Variants in LIMA1 observed in about 807,000 individuals in gnomAD.
The protein encoded by LIMA1 is LIM domain and actin binding 1, also known as LIM domain and actin-binding protein 1.
A neutral mutation model predicts 62.6 loss-of-function variants in LIMA1; 52 were observed. That is an observed-to-expected ratio of 0.83 (90% CI 0.67 to 1.05). LIMA1 has a LOEUF of 1.05. LIMA1 is among the 50% of genes least tolerant of loss of function. The pLI is 0.00. For synonymous variants in LIMA1, 302 were observed against 317.8 expected, an observed-to-expected ratio of 0.95 and a Z score of 0.53; for missense variants, 780 against 902.2, an observed-to-expected ratio of 0.86 and a Z score of 1.74.
Position 50,196,130 on chromosome 12 carries a change from T to C in LIMA1, c.973-243A>G, listed in dbSNP as rs1452678472. On this transcript the variant is annotated intron_variant, in intron 7 of 10. Coordinates refer to ENST00000341247, the MANE Select transcript of LIMA1 (RefSeq NM_016357.5). ...ACCCGAGAAACAGACTGCACTCAAC[T>C]GCCAAAAGTGTGCATCATCTCCCTT... The C allele has an allele frequency of 1.2e-5, 5 of 424,606 alleles. No individual in the cohort carries two copies. In the East Asian group the frequency reaches 1.5e-4, roughly 13 times the overall value. 26.3% of individuals were successfully genotyped at this position (424,606 alleles called of 1,614,324 possible).
intron 1 of LIMA1, among the ~76,000 whole-genome samples, chr12:50,252,150 G>A (rs1941938928): frequency 6.6e-6 from 1 of 152,156 alleles, no homozygotes; most frequent in African/African-American, 2.4e-5. Context: ...AGAGGGAAAG[G>A]AAAAGATATC....
At position 50,181,498 on chromosome 12, in the gene LIMA1, C is replaced by T. The variant is rs148339166; in HGVS notation, c.1274+406G>A. ...AAGTGAGGCAACATAGAGAAAAAGA[C>T]ATGCTCTCCAGGGGCTATTATTATT... On this transcript the variant is annotated intron_variant, in intron 10 of 10. Coordinates refer to ENST00000341247, the MANE Select transcript of LIMA1 (RefSeq NM_016357.5). 1.2e-3 allele frequency among the ~76,000 whole-genome samples: 176 copies of T among 152,274 alleles called. 1 individual carries two copies. Among genetic ancestry groups the T allele is most frequent in the African/African-American group, 3.9e-3 (161 of 41,566 alleles).
intron 5 of LIMA1, among the ~76,000 whole-genome samples, chr12:50,205,541 AGT>A (rs1941135218): frequency 1.3e-5 from 2 of 152,092 alleles, no homozygotes; most frequent in South Asian, 4.1e-4. Flanking sequence ...CCACTCTCAA[AGT>A]GTTATGTTAT....
At chr12:50,246,156 C>G (rs570093826) in intron 2 of LIMA1, among the ~76,000 whole-genome samples, 3 of 150,030 alleles carry the variant, frequency 2.0e-5, no homozygotes, top group East Asian at 3.9e-4. Flanking sequence ...CGCTTGAACC[C>G]AGGAGGCGGA....
intron 1 of LIMA1, among the ~76,000 whole-genome samples, chr12:50,272,288 C>G (rs1017580429): frequency 6.6e-6 from 1 of 151,782 alleles, no homozygotes. Context: ...TTAATCCTTC[C>G]TTTCTTTAAA....
chr12:50,269,748 G>A (rs1440385754), intron 1 of LIMA1, among the ~76,000 whole-genome samples: 2 of 151,174 alleles, frequency 1.3e-5, no homozygotes, highest in South Asian at 2.1e-4. Flanking sequence ...GAGAAACCCC[G>A]TCTCTACTAA....
At chr12:50,278,378 T>C in intron 1 of LIMA1, among the ~76,000 whole-genome samples, 1 of 152,086 alleles carries the variant, frequency 6.6e-6, no homozygotes, top group East Asian at 1.9e-4. Flanking sequence ...GCAGAGATCG[T>C]GCCACTGCAC....
intron 10 of LIMA1, among the ~76,000 whole-genome samples, chr12:50,179,753 T>G (rs1409884264): frequency 6.6e-6 from 1 of 150,774 alleles, no homozygotes; most frequent in Non-Finnish European, 1.5e-5. Context: ...TGTTGTTTTT[T>G]TTTTTGAGTG....
intron 9 of LIMA1, among the ~76,000 whole-genome samples, chr12:50,183,993 G>A (rs1310257920): frequency 6.6e-6 from 1 of 152,002 alleles, no homozygotes; most frequent in Non-Finnish European, 1.5e-5. Flanking sequence ...TCTATAAAAG[G>A]AAGTTTAATA....
At chr12:50,183,810 C>CAA (rs34778877) in intron 9 of LIMA1, among the ~76,000 whole-genome samples, 3,251 of 53,222 alleles carry the variant, frequency 0.061, 152 homozygotes, top group Admixed American at 0.12. Context: ...GACTTGGTCT[C>CAA]AAAAAAAAAA....
intron 4 of LIMA1, among the ~76,000 whole-genome samples, chr12:50,212,348 G>A (rs187778078): frequency 3.9e-5 from 6 of 152,200 alleles, no homozygotes; most frequent in Non-Finnish European, 7.3e-5. Flanking sequence ...AAGGGCAGAG[G>A]AAGGTTGGCT....
chr12:50,192,165 T>C (rs1440326986), intron 9 of LIMA1, among the ~76,000 whole-genome samples: 2 of 149,674 alleles, frequency 1.3e-5, no homozygotes, highest in Non-Finnish European at 3.0e-5. Flanking sequence ...TAATAATAAA[T>C]AAACAAAAAC....
intron 2 of LIMA1, among the ~76,000 whole-genome samples, chr12:50,239,812 A>G (rs1322305585): frequency 1.3e-5 from 2 of 151,864 alleles, no homozygotes; most frequent in East Asian, 1.9e-4. Flanking sequence ...CCTAGGCAAC[A>G]TGGCGAGACC....
intron 4 of LIMA1, among the ~76,000 whole-genome samples, chr12:50,210,338 G>A (rs7308095): frequency 6.7e-5 from 10 of 149,682 alleles, no homozygotes; most frequent in East Asian, 2.0e-4. Context: ...CAGGAGAATC[G>A]CTTGAACCAG....
chr12:50,222,212 C>G lies in LIMA1; in HGVS notation c.439G>C (p.Asp147His). 1 of 1,614,146 alleles carries G rather than the reference C, an allele frequency of 6.2e-7. No homozygotes were observed. The highest frequency in any genetic ancestry group is 8.5e-7 in the Non-Finnish European group (1 of 1,180,012). The change falls in exon 4 of 11, where the codon GAC (aspartate) becomes CAC (histidine). Residue 147 changes from aspartate (D) to histidine (H), a missense_variant. By Grantham distance (81) the Asp-to-His change is moderately conservative. Transcript: ENST00000341247. ...LVQGRYPHIKDGEDLKDHSTE... is the reference protein window; with the variant it reads ...LVQGRYPHIKHGEDLKDHSTE... The stretch of plus-strand genomic sequence containing the variant: ...GAGTGGTCTTTAAGATCCTCACCGT[C>G]CTTGATGTGGGGATATCGACCCTGA...
chr12:50,243,115 G>A (rs1291174862), intron 2 of LIMA1, among the ~76,000 whole-genome samples: 2 of 152,194 alleles, frequency 1.3e-5, no homozygotes, highest in Non-Finnish European at 2.9e-5. Context: ...GACTGTTATA[G>A]AGGCTTAGTC....
At chr12:50,249,700 G>A (rs925215120) in intron 1 of LIMA1, 4 of 152,080 alleles carry the variant, frequency 2.6e-5, no homozygotes, top group African/African-American at 9.7e-5. Context: ...CAGAAGACGA[G>A]AGATTAGAAA....
chr12:50,262,272 A>T (rs34421873), intron 1 of LIMA1, among the ~76,000 whole-genome samples: 4 of 152,222 alleles, frequency 2.6e-5, no homozygotes, highest in Non-Finnish European at 5.9e-5. Context: ...AAAGGGGGAA[A>T]AACACTTAAT....
chr12:50,272,472 A>C (rs1048781520), intron 1 of LIMA1, among the ~76,000 whole-genome samples: 1 of 151,516 alleles, frequency 6.6e-6, no homozygotes, highest in South Asian at 2.1e-4. Flanking sequence ...CATGCCTGTA[A>C]TTCCAGCTAC....
Sources: allele counts gnomAD v4.1 joint callset (sites outside exome capture counted in the v4.1 genomes callset), GRCh38; gene constraint gnomAD v4.1.1; transcripts MANE v1.5; gene names NCBI Gene and HGNC (gene_info 2026-07-23, HGNC 2026-07-21).